GPATCH8: variants seen among roughly 807,000 people sequenced by gnomAD.
GPATCH8 encodes the protein G patch domain-containing protein 8.
Under a neutral mutation model 118.3 loss-of-function variants are expected in GPATCH8, and 18 were observed. That is an observed-to-expected ratio of 0.15 (90% CI 0.11 to 0.23). The LOEUF is 0.23. Ranked by LOEUF, GPATCH8 falls within the 10% of genes least tolerant of loss-of-function variation. GPATCH8 has a pLI of 1.00. For synonymous variants in GPATCH8, 659 were observed against 684.7 expected, an observed-to-expected ratio of 0.96 and a Z score of 0.59; for missense variants, 1,631 against 1,873.8, an observed-to-expected ratio of 0.87 and a Z score of 2.39.
At chr17:44,402,952 T>C (rs1056762102) in intron 7 of GPATCH8, among the ~76,000 whole-genome samples, 3 of 152,200 alleles carry the variant, frequency 2.0e-5, no homozygotes, top group Non-Finnish European at 4.4e-5. Flanking sequence ...GGGGTCTAAC[T>C]GCATTGCCCA....
intron 1 of GPATCH8, among the ~76,000 whole-genome samples, chr17:44,502,882 G>A (rs935092387): frequency 1.3e-5 from 2 of 152,228 alleles, no homozygotes; most frequent in African/African-American, 4.8e-5. Context: ...AAAGAAAAGA[G>A]AAGGACCCCA....
rs767591539 is a variant in GPATCH8 at position 44,399,506 on chromosome 17, G to A, written c.2571C>T (p.Gly857=). 8 of 1,614,160 alleles carry A rather than the reference G, an allele frequency of 5.0e-6. No homozygotes were observed. Among genetic ancestry groups the A allele is most frequent in the Non-Finnish European group, 6.8e-6 (8 of 1,180,028 alleles). ...SEHSRSRSRS[G]RRHSSHRSSR... ...AGGAACGATGCGAGGAATGGCGCCG[G>A]CCAGACCTTGAGCGGCTGCGGGAAT... Residue 857 remains glycine, a synonymous_variant, in exon 8 of 8, where the codon GGC becomes GGT. Transcript: ENST00000591680.
chr17:44,442,472 A>G (rs1415956716), intron 3 of GPATCH8, among the ~76,000 whole-genome samples: 2 of 152,066 alleles, frequency 1.3e-5, no homozygotes, highest in African/African-American at 4.8e-5. Context: ...CACAAAATCC[A>G]TGTTTTTTTT....
At chr17:44,467,724 T>C in intron 2 of GPATCH8, among the ~76,000 whole-genome samples, 1 of 152,162 alleles carries the variant, frequency 6.6e-6, no homozygotes, top group Middle Eastern at 3.2e-3. Flanking sequence ...CAGGAAGGGC[T>C]AGTATTCAGT....
In GPATCH8 at chr17:44,398,435, T is replaced by G. The variant is rs1206565210; in HGVS notation, c.3642A>C (p.Glu1214Asp). Reference sequence around the variant, plus strand: ...GAGCCACAGGGTGATCAGCAGTAGCTTCTCCAGACTTTGACTCTTCTGGGG... The same window carrying G: ...GAGCCACAGGGTGATCAGCAGTAGCGTCTCCAGACTTTGACTCTTCTGGGG... ...DPPPEESKSG[E>D]ATADHPVAPL... The change falls in exon 8 of 8, where the codon GAA becomes GAC. Residue 1214 changes from glutamate (E) to aspartate (D), a missense_variant. Physicochemically the swap from Glu to Asp is conservative, Grantham distance 45 (BLOSUM62 2). Coordinates refer to ENST00000591680, the MANE Select transcript of GPATCH8 (RefSeq NM_001002909.4). The G allele has an allele frequency of 4.3e-6, 7 of 1,613,660 alleles. No homozygotes were observed. Among genetic ancestry groups the G allele is most frequent in the Non-Finnish European group, 5.9e-6 (7 of 1,179,752 alleles).
chr17:44,403,369 G>A (rs1365519317), intron 7 of GPATCH8, among the ~76,000 whole-genome samples: 1 of 151,740 alleles, frequency 6.6e-6, no homozygotes, highest in Admixed American at 6.6e-5. Flanking sequence ...CACCATGCTC[G>A]GCCCATGCTG....
intron 3 of GPATCH8, among the ~76,000 whole-genome samples, chr17:44,451,996 C>T (rs1042255020): frequency 2.6e-5 from 4 of 151,928 alleles, no homozygotes; most frequent in Non-Finnish European, 5.9e-5. Context: ...GCAGGCTGGG[C>T]GTGGTGGCTT....
intron 6 of GPATCH8, among the ~76,000 whole-genome samples, chr17:44,406,379 G>GC (rs1294486615): frequency 2.7e-5 from 4 of 149,386 alleles, no homozygotes; most frequent in African/African-American, 7.4e-5. Context: ...TGCAAAACTA[G>GC]ACAAACATAA....
chr17:44,430,941 G>A (rs1055498010), intron 5 of GPATCH8, among the ~76,000 whole-genome samples: 5 of 151,256 alleles, frequency 3.3e-5, no homozygotes, highest in African/African-American at 4.9e-5. Context: ...GTGAGCCACC[G>A]CACTGGCCAC....
intron 3 of GPATCH8, among the ~76,000 whole-genome samples, chr17:44,452,286 A>C (rs1245893599): frequency 6.6e-6 from 1 of 150,776 alleles, no homozygotes; most frequent in South Asian, 2.1e-4. Flanking sequence ...AAAAAAAAAA[A>C]AAAGAAAAAA....
At chr17:44,407,188 C>T (rs2049265518) in intron 6 of GPATCH8, 2 of 152,146 alleles carry the variant, frequency 1.3e-5, no homozygotes, top group East Asian at 3.9e-4. Context: ...AAAAGATATA[C>T]AGCTAAAGAC....
In GPATCH8 at chr17:44,400,012, G is replaced by A. The variant is rs191226521; in HGVS notation, c.2065C>T (p.Arg689Cys). ...KKHKKSSKHK[R>C]KHKADTEEKS... is the part of the protein sequence containing the mutation. ...TCTTCTGTGTCAGCCTTGTGTTTAC[G>A]TTTGTGTTTGCTGGATTTTTTGTGC... The change falls in exon 8 of 8, where the codon CGT becomes TGT. Residue 689 changes from arginine (R) to cysteine (C), a missense_variant. Arg to Cys is a radical substitution (Grantham distance 180). This residue lies in a region of GPATCH8 where 922 missense variants were observed against 879.7 expected (regional missense o/e 1.05). Transcript: ENST00000591680. 23 of 1,613,954 alleles carry A rather than the reference G, an allele frequency of 1.4e-5. No homozygotes were observed. Among genetic ancestry groups the A allele is most frequent in the Admixed American group, 8.3e-5 (5 of 60,006 alleles).
chr17:44,458,255 G>GA (rs542843854), intron 3 of GPATCH8, among the ~76,000 whole-genome samples: 6,322 of 74,886 alleles, frequency 0.084, 206 homozygotes, highest in East Asian at 0.22. Context: ...TGTCTCAAAG[G>GA]AAAAAAAAAA....
intron 3 of GPATCH8, chr17:44,436,756 G>C (rs1199814473): frequency 5.1e-6 from 3 of 584,678 alleles, no homozygotes; most frequent in African/African-American, 1.9e-5. Flanking sequence ...ACGTCCAGTT[G>C]GGATTAATTT....
At chr17:44,422,185 T>A (rs759056204) in intron 6 of GPATCH8, among the ~76,000 whole-genome samples, 1 of 152,118 alleles carries the variant, frequency 6.6e-6, no homozygotes, top group Non-Finnish European at 1.5e-5. Context: ...AGTTTTTTAT[T>A]TGTTTTGTTT....
chr17:44,400,659 G>C lies in GPATCH8; in HGVS notation c.1418C>G (p.Pro473Arg). 2 of 1,612,838 alleles carry C rather than the reference G, an allele frequency of 1.2e-6. No individual in the cohort carries two copies. The highest frequency in any genetic ancestry group is 1.7e-6 in the Non-Finnish European group (2 of 1,179,164). ...CTCAGCTTTGCTTCCTGGTTCTGAGGGCTCGGTCATGCTGGTTTCCTTCGG... is the reference window on the plus strand; with the variant it reads ...CTCAGCTTTGCTTCCTGGTTCTGAGCGCTCGGTCATGCTGGTTTCCTTCGG... ...EQPKETSMTEPSEPGSKAEAK... is the reference protein window; with the variant it reads ...EQPKETSMTERSEPGSKAEAK... Residue 473 changes from proline to arginine, a missense_variant, in exon 8 of 8, where the codon CCC becomes CGC. Pro to Arg is a moderately radical substitution (Grantham distance 103). Transcript: ENST00000591680.
chr17:44,446,204 C>T (rs894643608), intron 3 of GPATCH8, among the ~76,000 whole-genome samples: 1 of 151,822 alleles, frequency 6.6e-6, no homozygotes, highest in African/African-American at 2.4e-5. Flanking sequence ...TCTGCCTCAA[C>T]CTCACAAAGT....
intron 5 of GPATCH8, among the ~76,000 whole-genome samples, chr17:44,428,859 A>G (rs538339777): frequency 1.4e-4 from 21 of 152,130 alleles, no homozygotes; most frequent in African/African-American, 4.8e-4. Context: ...TACACAGACA[A>G]GGCCAGGCAC....
Position 44,397,627 on chromosome 17 carries a change from G to C in GPATCH8, c.4450C>G (p.Leu1484Val), listed in dbSNP as rs1201844784. 1 of 1,613,750 alleles carries C rather than the reference G, an allele frequency of 6.2e-7. No homozygotes were observed. The highest frequency in any genetic ancestry group is 1.3e-5 in the African/African-American group (1 of 74,916). The stretch of plus-strand genomic sequence containing the variant: ...TGACCTGAGAAGATGGGGTGAAGTA[G>C]TGGGTGAAGGTGAAGTGCAGTGGCA... ...AAATALHLHP[L>V]LHPIFSGQDL... Residue 1484 changes from leucine (L) to valine (V), a missense_variant, in exon 8 of 8, where the codon CTA becomes GTA. Transcript: ENST00000591680.
Sources: gnomAD v4.1 joint callset for allele counts (sites outside exome capture counted in the v4.1 genomes callset) on GRCh38, gnomAD v4.1.1 for gene constraint, gnomAD v4.1.1 regional missense constraint, MANE v1.5 for transcripts, NCBI Gene and HGNC (gene_info 2026-07-23, HGNC 2026-07-21) for gene names.